ANK1: variants seen among roughly 807,000 people sequenced by gnomAD.
ANK1 encodes ankyrin 1, also known as ankyrin-1.
In ANK1, 51 loss-of-function variants were observed where a neutral mutation model predicts 210.4. The ratio of observed to expected loss-of-function variants is 0.24; its 90% CI spans 0.19 to 0.31. The LOEUF (loss-of-function observed/expected upper bound fraction) is 0.31, where lower values mean the gene tolerates loss of function less well. ANK1 is among the 10% of genes least tolerant of loss of function. The pLI, the probability that ANK1 is intolerant of heterozygous loss-of-function variation, is 1.00. For synonymous variants in ANK1, 967 were observed against 1,025.9 expected, an observed-to-expected ratio of 0.94 and a Z score of 1.10; for missense variants, 2,051 against 2,504.4, an observed-to-expected ratio of 0.82 and a Z score of 3.86.
At chr8:41,750,770 AG>A (rs1837515900) in intron 2 of ANK1, among the ~76,000 whole-genome samples, 3 of 152,238 alleles carry the variant, frequency 2.0e-5, no homozygotes, top group Admixed American at 1.3e-4. Context: ...AGACAGGCAA[AG>A]AGGACCAACA....
At chr8:41,809,184 T>A (rs77440698) in intron 1 of ANK1, among the ~76,000 whole-genome samples, 1 of 152,160 alleles carries the variant, frequency 6.6e-6, no homozygotes, top group East Asian at 1.9e-4. Flanking sequence ...TTTTTGTACA[T>A]GTTACTGAGT....
At chr8:41,776,533 C>T (rs1028831732) in intron 1 of ANK1, among the ~76,000 whole-genome samples, 12 of 152,062 alleles carry the variant, frequency 7.9e-5, no homozygotes, top group African/African-American at 1.7e-4. Context: ...TACGTCTTCC[C>T]GGCTGGCCCA....
At chr8:41,871,807 G>T (rs1417106710) in intron 1 of ANK1, among the ~76,000 whole-genome samples, 1 of 152,324 alleles carries the variant, frequency 6.6e-6, no homozygotes, top group South Asian at 2.1e-4. Flanking sequence ...GAAAACCTGC[G>T]TGTGAAATAC....
chr8:41,772,335 A>C (rs549502957), intron 1 of ANK1, among the ~76,000 whole-genome samples: 5 of 152,218 alleles, frequency 3.3e-5, no homozygotes, highest in Admixed American at 1.3e-4. Flanking sequence ...AGCTTCACCC[A>C]TCTCTCCAAT....
chr8:41,860,741 A>G (rs1813118809), intron 1 of ANK1, among the ~76,000 whole-genome samples: 1 of 152,202 alleles, frequency 6.6e-6, no homozygotes, highest in South Asian at 2.1e-4. Flanking sequence ...TAAGTGAAGG[A>G]CTTTACAAGT....
intron 1 of ANK1, among the ~76,000 whole-genome samples, chr8:41,786,469 C>T (rs1846424946): frequency 6.6e-6 from 1 of 152,246 alleles, no homozygotes; most frequent in Non-Finnish European, 1.5e-5. Context: ...TCAGGCTGCC[C>T]CAGCCACTGC....
At chr8:41,774,884 T>C (rs535098713) in intron 1 of ANK1, among the ~76,000 whole-genome samples, 1 of 152,112 alleles carries the variant, frequency 6.6e-6, no homozygotes, top group African/African-American at 2.4e-5. Context: ...TTTTGGAAAA[T>C]GTGGATGAGC....
intron 1 of ANK1, chr8:41,828,389 C>T (rs1019892624): frequency 1.9e-5 from 3 of 154,458 alleles, no homozygotes; most frequent in African/African-American, 7.2e-5. Flanking sequence ...CATTTTCCAC[C>T]TTCTCCGTCT....
At chr8:41,701,097 A>G (rs1480910784) in intron 22 of ANK1, among the ~76,000 whole-genome samples, 1 of 152,220 alleles carries the variant, frequency 6.6e-6, no homozygotes, top group Non-Finnish European at 1.5e-5. Flanking sequence ...AATCACAGAA[A>G]TAACCCAAAA....
At chr8:41,663,846 C>T (rs1809404249) in intron 39 of ANK1, 104 bp from the exon 40 acceptor site, 1 of 899,370 alleles carries the variant, frequency 1.1e-6, no homozygotes. Context: ...ATAGCCATGG[C>T]CCAATAACTC....
rs75299757 is a variant in ANK1 at position 41,792,445 on chromosome 8, C to A, written c.27+5067G>T. ...TTTCCTAACAGCCAAAGCTCACGAT[C>A]TGGGCAAGCGAAGGAGAAGCAGGAG... On this transcript the variant is annotated intron_variant, in intron 1 of 42. Coordinates refer to ENST00000289734, the MANE Select transcript of ANK1 (RefSeq NM_000037.4). 9.8e-4 allele frequency among the ~76,000 whole-genome samples: 149 copies of A among 152,346 alleles called. 1 individual carries two copies. The East Asian group carries it at 0.027, about 28-fold the overall frequency.
At chr8:41,772,937 T>TG (rs1013904571) in intron 1 of ANK1, among the ~76,000 whole-genome samples, 16 of 152,008 alleles carry the variant, frequency 1.1e-4, no homozygotes, top group Admixed American at 4.6e-4. Context: ...GCGACCACCC[T>TG]GGGGAGTGTG....
At chr8:41,717,231 GTA>G (rs1239800139) in intron 12 of ANK1, among the ~76,000 whole-genome samples, 180 bp from the exon 13 acceptor site, 1 of 152,172 alleles carries the variant, frequency 6.6e-6, no homozygotes, top group Non-Finnish European at 1.5e-5. Context: ...ATGTATGTGT[GTA>G]TGTGTGTGTG....
At chr8:41,881,719 G>A (rs896402403) in intron 1 of ANK1, among the ~76,000 whole-genome samples, 10 of 152,208 alleles carry the variant, frequency 6.6e-5, no homozygotes, top group African/African-American at 1.9e-4. Context: ...TCAGGCGGCT[G>A]GGACAAACCC....
chr8:41,710,697 CA>C (rs1487957882), intron 16 of ANK1, among the ~76,000 whole-genome samples: 1 of 152,250 alleles, frequency 6.6e-6, no homozygotes, highest in Admixed American at 6.5e-5. Flanking sequence ...TGTCTCAGGG[CA>C]CGAGATTTCC....
intron 1 of ANK1, among the ~76,000 whole-genome samples, chr8:41,853,068 T>C (rs544947133): frequency 3.3e-5 from 5 of 152,246 alleles, no homozygotes; most frequent in South Asian, 2.1e-4. Flanking sequence ...AAACGGAAAA[T>C]ATTTGCTTAC....
At chr8:41,781,727 T>C (rs1586906368) in intron 1 of ANK1, among the ~76,000 whole-genome samples, 1 of 152,180 alleles carries the variant, frequency 6.6e-6, no homozygotes, top group Admixed American at 6.5e-5. Flanking sequence ...GGGACGGAGC[T>C]GAGGGCACAG....
chr8:41,871,013 T>C (rs1815381478), intron 1 of ANK1, among the ~76,000 whole-genome samples: 1 of 152,176 alleles, frequency 6.6e-6, no homozygotes, highest in East Asian at 1.9e-4. Context: ...AGCCCTTTCC[T>C]CAGGGCTGGC....
intron 39 of ANK1, chr8:41,665,070 C>T (rs1167234282): frequency 1.9e-6 from 3 of 1,601,972 alleles, no homozygotes; most frequent in Non-Finnish European, 2.5e-6. Flanking sequence ...GGGCCCCGGC[C>T]ACCACGGGGG....
Sources: gnomAD v4.1 joint callset for allele counts (sites outside exome capture counted in the v4.1 genomes callset) on GRCh38, gnomAD v4.1.1 for gene constraint, MANE v1.5 for transcripts, NCBI Gene and HGNC (gene_info 2026-07-23, HGNC 2026-07-21) for gene names.